Variants in AFP observed in about 807,000 individuals in gnomAD.
AFP encodes alpha-fetoprotein.
Under a neutral mutation model 78.9 loss-of-function variants are expected in AFP, and 64 were observed. The ratio of observed to expected loss-of-function variants is 0.81; its 90% confidence interval spans 0.66 to 1.00. The LOEUF is 1.00. Ranked by LOEUF, AFP falls within the 50% of genes least tolerant of loss-of-function variation. The probability of loss-of-function intolerance (pLI) is 0.00; values close to 1 mark genes in which losing one functional copy is unlikely to be tolerated. For synonymous variants in AFP, 254 were observed against 243.8 expected (o/e 1.04, Z -0.39); for missense variants, 689 against 703.8 (o/e 0.98, Z 0.24).
chr4:73,452,697 C>A, intron 12 of AFP, 73 bp downstream of exon 12: 2 of 1,183,228 alleles, frequency 1.7e-6, no homozygotes, highest in South Asian at 1.3e-5. Flanking sequence ...CTACCTCGCT[C>A]ACCTAACACT....
At chr4:73,438,808 G>A (rs945763993) in intron 3 of AFP, among the ~76,000 whole-genome samples, 1 of 152,044 alleles carries the variant, frequency 6.6e-6, no homozygotes, top group East Asian at 1.9e-4. Context: ...ATGCTGGCTC[G>A]GGCTTCTGGG....
rs561578550 is a variant in AFP, at chr4:73,441,967, T to G, written c.483-329T>G. Among the ~76,000 whole-genome samples, 7 of 152,366 alleles carry G rather than the reference T, an allele frequency of 4.6e-5. 1 individual carries two copies. In the South Asian group the frequency reaches 1.2e-3, roughly 27 times the overall value. The stretch of plus-strand genomic sequence containing the variant: ...GCACTTAGCAGAAGTCTGGCTTTGC[T>G]GATCCCTGAAACATATCTGAGTAGG... On this transcript the variant is annotated intron_variant, in intron 4 of 14. Coordinates refer to ENST00000395792, the MANE Select transcript of AFP (RefSeq NM_001134.3).
intron 4 of AFP, among the ~76,000 whole-genome samples, chr4:73,441,210 A>G (rs1719651884): frequency 6.6e-6 from 1 of 152,148 alleles, no homozygotes. Context: ...TAAAAGTTAG[A>G]GATCCAAGCA....
At position 73,455,905 on chromosome 4, in the gene AFP, C is replaced by T; in HGVS notation, c.*285C>T. 2.2e-6 allele frequency: 1 copy of T among 460,302 alleles called. No individual in the cohort carries two copies. The highest frequency in any genetic ancestry group is 3.9e-5 in the East Asian group (1 of 25,654). The allele number at this position is 460,302 out of a possible 1,614,324, so 28.5% of individuals were successfully genotyped here. A position where few individuals can be genotyped will look rare whatever the true frequency, so the allele number is the denominator to read the frequency against. On this transcript the variant is annotated 3_prime_UTR_variant, in exon 15 of 15. Coordinates refer to ENST00000395792, the MANE Select transcript of AFP (RefSeq NM_001134.3). The stretch of plus-strand genomic sequence containing the variant: ...GTTATTATAGGAGATTAAAGCTATC[C>T]AAGGATGGATTTACAGCACTAGATC...
At position 73,443,461 on chromosome 4, in the gene AFP, T is replaced by C; in HGVS notation, c.713+17T>C. 6.4e-7 allele frequency: 1 copy of C among 1,572,444 alleles called. No homozygotes were observed. Among genetic ancestry groups the C allele is most frequent in the Non-Finnish European group, 8.8e-7 (1 of 1,142,210 alleles). On this transcript the variant is annotated intron_variant, in intron 6 of 14. Coordinates refer to ENST00000395792, the MANE Select transcript of AFP (RefSeq NM_001134.3). The stretch of plus-strand genomic sequence containing the variant: ...CCAAGCCATGTAAGTTCAAGTTCTA[T>C]CTAGGGAAGAGGGTGAGAGCTACAG...
intron 13 of AFP, among the ~76,000 whole-genome samples, chr4:73,454,716 T>C (rs1173872058): frequency 6.6e-6 from 1 of 152,176 alleles, no homozygotes; most frequent in Non-Finnish European, 1.5e-5. Context: ...AGTTTTTCTA[T>C]AAATAATATA....
At chr4:73,455,167 G>A in intron 13 of AFP, 69 bp from the exon 14 acceptor site, 1 of 1,197,746 alleles carries the variant, frequency 8.3e-7, no homozygotes, top group South Asian at 1.2e-5. Context: ...CCGGATTGTA[G>A]AGTGTTAACT....
In AFP at chr4:73,450,886, C is replaced by T. The variant is rs752678095; in HGVS notation, c.1428+133C>T. The T allele has an allele frequency of 3.1e-5, 45 of 1,442,748 alleles. No individual in the cohort carries two copies. In the Admixed American group the frequency reaches 3.8e-4, roughly 12 times the overall value. The allele number at this position is 1,442,748 out of a possible 1,614,324, so 89.4% of individuals were successfully genotyped here. A position where few individuals can be genotyped will look rare whatever the true frequency, so the allele number is the denominator to read the frequency against. ...CTTAGGAGGCTTGTTTGATTAGTCA[C>T]GGTTGGAGGGGTGTGAGAACCCAGC... On this transcript the variant is annotated intron_variant, in intron 11 of 14. Coordinates refer to ENST00000395792, the MANE Select transcript of AFP (RefSeq NM_001134.3).
chr4:73,452,694 G>C, intron 12 of AFP, 70 bp downstream of exon 12: 1 of 1,229,250 alleles, frequency 8.1e-7, no homozygotes, highest in Non-Finnish European at 1.2e-6. Context: ...CTTCTACCTC[G>C]CTCACCTAAC....
intron 12 of AFP, among the ~76,000 whole-genome samples, 159 bp downstream of exon 12, chr4:73,452,783 A>G (rs72647036): frequency 0.017 from 2,583 of 152,316 alleles, 31 homozygotes; most frequent in Middle Eastern, 0.024. Context: ...CAGTGTCTTC[A>G]CAGTCTCATT....
At position 73,445,117 on chromosome 4, in the gene AFP, G is replaced by A; in HGVS notation, c.838G>A (p.Asp280Asn). The change falls in exon 7 of 15, where the codon GAT becomes AAT. Residue 280 changes from aspartate (D) to asparagine (N), a missense_variant. By Grantham distance (23) the Asp-to-Asn change is conservative. Coordinates refer to ENST00000395792, the MANE Select transcript of AFP (RefSeq NM_001134.3). ...CRGDVLDCLQ[D>N]GEKIMSYICS... Reference sequence around the variant, plus strand: ...AGGAGATGTGCTGGATTGTCTGCAGGATGGGGTGAAGAGTCTTGCTTCTTA... The same window carrying A: ...AGGAGATGTGCTGGATTGTCTGCAGAATGGGGTGAAGAGTCTTGCTTCTTA... The A allele has an allele frequency of 6.2e-7, 1 of 1,613,906 alleles. No individual in the cohort carries two copies. Among genetic ancestry groups the A allele is most frequent in the Non-Finnish European group, 8.5e-7 (1 of 1,179,854 alleles).
chr4:73,448,991 T>G (rs184548625), intron 8 of AFP, among the ~76,000 whole-genome samples: 63 of 152,306 alleles, frequency 4.1e-4, no homozygotes, highest in Non-Finnish European at 6.0e-4. Flanking sequence ...AGGGCAGGTA[T>G]TTATCTTAGA....
rs966201909 is a variant in AFP, at chr4:73,447,521, A to G, written c.903A>G (p.Glu301=). The G allele has an allele frequency of 1.9e-6, 3 of 1,612,458 alleles. No individual in the cohort carries two copies. The highest frequency in any genetic ancestry group is 2.5e-6 in the Non-Finnish European group (3 of 1,179,562). The change falls in exon 8 of 15, where the codon GAA becomes GAG. Residue 301 remains glutamate, a synonymous_variant. Coordinates refer to ENST00000395792, the MANE Select transcript of AFP (RefSeq NM_001134.3). ...ACACTCTGTCAAACAAAATAACAGAATGCTGCAAACTGACCACGCTGGAAC... is the reference window on the plus strand; with the variant it reads ...ACACTCTGTCAAACAAAATAACAGAGTGCTGCAAACTGACCACGCTGGAAC... ...QQDTLSNKIT[E]CCKLTTLERG...
At chr4:73,450,451 A>G in intron 10 of AFP, 164 bp from the exon 11 acceptor site, 1 of 903,982 alleles carries the variant, frequency 1.1e-6, no homozygotes, top group Non-Finnish European at 1.7e-6. Flanking sequence ...AGTGGTTGTT[A>G]GAGTAAATGC....
intron 7 of AFP, among the ~76,000 whole-genome samples, chr4:73,445,882 A>G (rs575299284): frequency 6.6e-6 from 1 of 152,218 alleles, no homozygotes; most frequent in East Asian, 1.9e-4. Context: ...GACTTCCTAG[A>G]TTTTACAAGA....
At chr4:73,443,825 C>T (rs774384656) in intron 6 of AFP, among the ~76,000 whole-genome samples, 8 of 152,114 alleles carry the variant, frequency 5.3e-5, no homozygotes, top group Non-Finnish European at 1.0e-4. Flanking sequence ...TTTGCCTTAA[C>T]AAGAAATTCT....
rs1479799378 is a variant in AFP at position 73,455,217 on chromosome 4, G to A, written c.1786-19G>A. On this transcript the variant is annotated intron_variant, in intron 13 of 14. Coordinates refer to ENST00000395792, the MANE Select transcript of AFP (RefSeq NM_001134.3). ...ATAATCCATTTCTTTATCTGATTAT[G>A]TTTATTCTTAATTTTCAGGGACAAA... 6.3e-7 allele frequency: 1 copy of A among 1,592,962 alleles called. No homozygotes were observed. The highest frequency in any genetic ancestry group is 1.7e-5 in the Admixed American group (1 of 59,928).
intron 5 of AFP, among the ~76,000 whole-genome samples, chr4:73,442,926 C>A (rs1719712366): frequency 6.6e-6 from 1 of 152,016 alleles, no homozygotes; most frequent in African/African-American, 2.4e-5. Context: ...CCACCATTAA[C>A]TACTTGCTAC....
Position 73,449,929 on chromosome 4 carries a change from A to G in AFP, c.1192-107A>G, listed in dbSNP as rs1719936312. The G allele has an allele frequency of 1.1e-5, 8 of 724,078 alleles. No homozygotes were observed. In the East Asian group the frequency reaches 2.2e-4, roughly 20 times the overall value. The allele number at this position is 724,078 out of a possible 1,614,324, so 44.9% of individuals were successfully genotyped here. On this transcript the variant is annotated intron_variant, in intron 9 of 14. Transcript: ENST00000395792. ...ACACTTTACCATATTTAATATTTAA[A>G]CATCTCTGATTGGTTTTATAATAGT...
Sources: allele counts gnomAD v4.1 joint callset (sites outside exome capture counted in the v4.1 genomes callset), GRCh38; gene constraint gnomAD v4.1.1; transcripts MANE v1.5; gene names NCBI Gene and HGNC (gene_info 2026-07-23, HGNC 2026-07-21).